Variants in SSRP1 observed in about 807,000 individuals in gnomAD.
The protein encoded by SSRP1 is structure specific recognition protein 1.
In SSRP1, 21 loss-of-function variants were observed where a neutral mutation model predicts 84.4. The ratio of observed to expected loss-of-function variants is 0.25; its 90% CI spans 0.18 to 0.36. The LOEUF is 0.36. SSRP1 is among the 10% of genes least tolerant of loss of function. The pLI is 1.00. For synonymous variants in SSRP1, 319 were observed against 318.3 expected (o/e 1.00, Z -0.02); for missense variants, 519 against 900.8 (o/e 0.58, Z 5.43).
chr11:57,333,401 T>G, intron 4 of SSRP1, 34 bp downstream of exon 4: 2 of 1,565,306 alleles, frequency 1.3e-6, no homozygotes, highest in Non-Finnish European at 1.8e-6. Context: ...CACCCTATCT[T>G]CCTCCCCAAA....
At position 57,327,684 on chromosome 11, in the gene SSRP1, G is replaced by C. The variant is rs373412839; in HGVS notation, c.1782+28C>G. The C allele has an allele frequency of 1.7e-5, 28 of 1,611,326 alleles. No individual in the cohort carries two copies. The African/African-American group carries it at 3.2e-4, about 18-fold the overall frequency. On this transcript the variant is annotated intron_variant, in intron 14 of 16. Transcript: ENST00000278412. ...AGCACCTCTCGCCAGCCCATGAGAG[G>C]CATCACCCCTCCTCTGCTGCTACTC...
intron 15 of SSRP1, 101 bp downstream of exon 15, chr11:57,327,325 A>C: frequency 2.4e-6 from 3 of 1,226,614 alleles, no homozygotes; most frequent in South Asian, 2.5e-5. Context: ...AGTCAGAAGC[A>C]TCTCTGCTGT....
chr11:57,330,241 C>A lies in SSRP1; in HGVS notation c.1435+50G>T. 1.2e-6 allele frequency: 2 copies of A among 1,614,146 alleles called. No individual in the cohort carries two copies. The highest frequency in any genetic ancestry group is 1.7e-6 in the Non-Finnish European group (2 of 1,179,980). On this transcript the variant is annotated intron_variant, in intron 11 of 16. Transcript: ENST00000278412. The surrounding 1 kb of genome is among the most constrained non-coding windows in gnomAD (Gnocchi z 4.0). The stretch of plus-strand genomic sequence containing the variant: ...CCAAGGGTGAGTCCAGCCCGGGCCA[C>A]AGCGAGGAGCGTCTGACCATCCTCG...
rs749305546 is a variant in SSRP1 at position 57,334,673 on chromosome 11, C to T, written c.55-25G>A. ...TCTGTAAGAAAAGCAGGCCCAGATGCATGGAGACAGTACACAGCATGTCCT... is the reference window on the plus strand; with the variant it reads ...TCTGTAAGAAAAGCAGGCCCAGATGTATGGAGACAGTACACAGCATGTCCT... On this transcript the variant is annotated intron_variant, in intron 2 of 16. Coordinates refer to ENST00000278412, the MANE Select transcript of SSRP1 (RefSeq NM_003146.3). 17 of 1,612,258 alleles carry T rather than the reference C, an allele frequency of 1.1e-5. No individual in the cohort carries two copies. In the South Asian group the frequency reaches 1.8e-4, roughly 17 times the overall value.
intron 12 of SSRP1, chr11:57,329,734 CA>C (rs1440826315): frequency 2.8e-6 from 1 of 357,926 alleles, no homozygotes; most frequent in Admixed American, 4.4e-5. Flanking sequence ...GGTACTACTG[CA>C]TTTCTACTGA....
Position 57,330,805 on chromosome 11 carries a change from C to CGAA in SSRP1, c.1296+49_1296+50insTTC. ...CCGGAAAAAATCTCCACCCCTTTCT[C>CGAA]CCCTATAGAAAGACCAGGAGAGGGT... On this transcript the variant is annotated intron_variant, in intron 10 of 16. Coordinates refer to ENST00000278412, the MANE Select transcript of SSRP1 (RefSeq NM_003146.3). The surrounding 1 kb of genome is among the most constrained non-coding windows in gnomAD (Gnocchi z 4.0). The CGAA allele has an allele frequency of 6.2e-7, 1 of 1,613,830 alleles. No homozygotes were observed. Among genetic ancestry groups the CGAA allele is most frequent in the South Asian group, 1.1e-5 (1 of 91,056 alleles).
At position 57,327,887 on chromosome 11, in the gene SSRP1, A is replaced by G. The variant is rs143032462; in HGVS notation, c.1612-5T>C. 2.1e-4 allele frequency: 333 copies of G among 1,612,038 alleles called. No individual in the cohort carries two copies. The African/African-American group carries it at 3.4e-3, about 17-fold the overall frequency. ...GGGGTCTTTGCCCTTCTTCACCTAC[A>G]TAAGAACCCAAATGCCTTCAGCTAT... is the stretch of plus-strand genomic sequence containing the variant. On this transcript the variant is annotated splice_polypyrimidine_tract_variant and splice_region_variant and intron_variant, in intron 13 of 16. Transcript: ENST00000278412.
In SSRP1 at chr11:57,330,949, G is replaced by C; in HGVS notation, c.1224-22C>G. The C allele has an allele frequency of 6.2e-7, 1 of 1,613,706 alleles. No homozygotes were observed. The highest frequency in any genetic ancestry group is 8.5e-7 in the Non-Finnish European group (1 of 1,179,622). ...CTCCCTGTGAGGGGACATGCACCAT[G>C]TTACCAGAGAGGTAGTGCCAACACA... On this transcript the variant is annotated intron_variant, in intron 9 of 16. Coordinates refer to ENST00000278412, the MANE Select transcript of SSRP1 (RefSeq NM_003146.3). The surrounding 1 kb of genome is among the most constrained non-coding windows in gnomAD (Gnocchi z 4.0).
rs541213567 is a variant in SSRP1 at position 57,333,528 on chromosome 11, G to C, written c.253C>G (p.Leu85Val). ...DGFRESEFEK[L>V]SDFFKTHYRL... is the part of the protein sequence containing the mutation. ...TAGTGAGTTTTGAAGAAATCAGAGA[G>C]TTTCTCAAACTCCTGTGGGTGGAGG... Residue 85 changes from leucine to valine, a missense_variant, in exon 4 of 17, where the codon CTC becomes GTC. Leu to Val is a conservative substitution (Grantham distance 32). Transcript: ENST00000278412. The C allele has an allele frequency of 1.2e-6, 2 of 1,613,682 alleles. No homozygotes were observed. The highest frequency in any genetic ancestry group is 2.2e-5 in the South Asian group (2 of 91,070).
chr11:57,326,234 G>T lies in SSRP1; in HGVS notation c.*173C>A. On this transcript the variant is annotated 3_prime_UTR_variant, in exon 17 of 17. Transcript: ENST00000278412. ...TATAAACAGCCATCCTTGGGAAGCA[G>T]CAGAGTTAAGACGTCTCCCCACTGC... 1.6e-6 allele frequency: 1 copy of T among 634,714 alleles called. No individual in the cohort carries two copies. The highest frequency in any genetic ancestry group is 2.7e-6 in the Non-Finnish European group (1 of 363,792). The allele number at this position is 634,714 out of a possible 1,614,324, so 39.3% of individuals were successfully genotyped here. A position where few individuals can be genotyped will look rare whatever the true frequency, so the allele number is the denominator to read the frequency against.
chr11:57,332,036 A>C lies in SSRP1; in HGVS notation c.1001+116T>G, dbSNP rs1365202661. 5.8e-6 allele frequency: 9 copies of C among 1,558,802 alleles called. No individual in the cohort carries two copies. The South Asian group carries it at 8.3e-5, about 14-fold the overall frequency. On this transcript the variant is annotated intron_variant, in intron 8 of 16. Transcript: ENST00000278412. The surrounding 1 kb of genome is among the most constrained non-coding windows in gnomAD (Gnocchi z 5.5). The stretch of plus-strand genomic sequence containing the variant: ...CAGAGGCGCTGGCACCTATTGTGAC[A>C]CAAGGTCCCATCCAGGCCTCTAGGA...
rs775856911 is a variant in SSRP1, at chr11:57,330,469, C to T, written c.1297-40G>A. 5 of 1,609,572 alleles carry T rather than the reference C, an allele frequency of 3.1e-6. No individual in the cohort carries two copies. The highest frequency in any genetic ancestry group is 2.2e-5 in the East Asian group (1 of 44,862). ...GTTCACGGTGGGGCCAACTCACCCT[C>T]GAGCCAGAATCCCTGCACACTCAAA... On this transcript the variant is annotated intron_variant, in intron 10 of 16. Transcript: ENST00000278412. This position sits in a 1 kb window ranked among gnomAD's most constrained non-coding sequence, Gnocchi z 4.0.
Position 57,331,777 on chromosome 11 carries a change from C to T in SSRP1, c.1114G>A (p.Asp372Asn). 6.2e-7 allele frequency: 1 copy of T among 1,614,192 alleles called. No individual in the cohort carries two copies. Among genetic ancestry groups the T allele is most frequent in the Non-Finnish European group, 8.5e-7 (1 of 1,180,034 alleles). ...GCAAAGTTGACAAAGGAGATCTCAT[C>T]GAAGCGGATGTGCACAGGTGGCTTG... ...VHKPPVHIRF[D>N]EISFVNFARG... The change falls in exon 9 of 17, where the codon GAT (aspartate) becomes AAT (asparagine). Residue 372 changes from aspartate to asparagine, a missense_variant. Around this residue, in one of 7 missense-constraint regions of SSRP1, gnomAD observed 159 missense variants for 359.0 expected, o/e 0.44. Coordinates refer to ENST00000278412, the MANE Select transcript of SSRP1 (RefSeq NM_003146.3).
chr11:57,327,186 T>C (rs1297307566), intron 15 of SSRP1: 3 of 648,692 alleles, frequency 4.6e-6, no homozygotes, highest in Non-Finnish European at 7.8e-6. Context: ...ATTTTTTTCG[T>C]TCCCCCATAC....
At chr11:57,331,551 G>T in intron 9 of SSRP1, 117 bp downstream of exon 9, 1 of 744,976 alleles carries the variant, frequency 1.3e-6, no homozygotes. Context: ...AAATCCTGAT[G>T]TAGCAAAAGA....
In SSRP1 at chr11:57,332,826, C is replaced by G; in HGVS notation, c.567G>C (p.Ala189=). ...CATCTCCCGTGGCCTGGATTACATC[C>G]GCCTTTGACAACACATTCTGGGCAA... ...EAFAQNVLSK[A]DVIQATGDAI... is the part of the protein sequence containing the mutation. The change falls in exon 6 of 17, where the codon GCG becomes GCC. Residue 189 remains alanine (A), a synonymous_variant. Transcript: ENST00000278412. The surrounding 1 kb of genome is among the most constrained non-coding windows in gnomAD (Gnocchi z 5.5). 1 of 1,613,328 alleles carries G rather than the reference C, an allele frequency of 6.2e-7. No homozygotes were observed. The highest frequency in any genetic ancestry group is 8.5e-7 in the Non-Finnish European group (1 of 1,179,424).
chr11:57,330,701 C>CAGGAGGTCA lies in SSRP1; in HGVS notation c.1296+153_1296+154insTGACCTCCT. On this transcript the variant is annotated intron_variant, in intron 10 of 16. Transcript: ENST00000278412. The surrounding 1 kb of genome is among the most constrained non-coding windows in gnomAD (Gnocchi z 4.0). ...TGGTCTAAGGTCATGCAGAGGAAAC[C>CAGGAGGTCA]TGCACCAGGAGGGGGAAAGGGTCAC... The CAGGAGGTCA allele has an allele frequency of 6.7e-7, 1 of 1,484,892 alleles. No homozygotes were observed. Among genetic ancestry groups the CAGGAGGTCA allele is most frequent in the Non-Finnish European group, 8.9e-7 (1 of 1,120,688 alleles). The allele number at this position is 1,484,892 out of a possible 1,614,324, so 92.0% of individuals were successfully genotyped here.
In SSRP1 at chr11:57,330,711, AG is replaced by A. The variant is rs762130670; in HGVS notation, c.1296+143del. On this transcript the variant is annotated intron_variant, in intron 10 of 16. Transcript: ENST00000278412. The surrounding 1 kb of genome is among the most constrained non-coding windows in gnomAD (Gnocchi z 4.0). ...TCATGCAGAGGAAACCTGCACCAGG[AG>A]GGGGAAAGGGTCACACGCACCTCTT... is the stretch of plus-strand genomic sequence containing the variant. 38 of 1,493,528 alleles carry A rather than the reference AG, an allele frequency of 2.5e-5. No homozygotes were observed. The highest frequency in any genetic ancestry group is 1.9e-4 in the Middle Eastern group (1 of 5,258). 92.5% of individuals were successfully genotyped at this position (1,493,528 alleles called of 1,614,324 possible). A position where few individuals can be genotyped will look rare whatever the true frequency, so the allele number is the denominator to read the frequency against.
At position 57,330,774 on chromosome 11, in the gene SSRP1, A is replaced by C. The variant is rs1272339457; in HGVS notation, c.1296+81T>G. On this transcript the variant is annotated intron_variant, in intron 10 of 16. Transcript: ENST00000278412. The surrounding 1 kb of genome is among the most constrained non-coding windows in gnomAD (Gnocchi z 4.0). ...GGTAAGAAGAGAAGAAAGAGTGAAA[A>C]AGAAGCCGGAAAAAATCTCCACCCC... 1.2e-6 allele frequency: 2 copies of C among 1,606,900 alleles called. No individual in the cohort carries two copies. The highest frequency in any genetic ancestry group is 1.7e-6 in the Non-Finnish European group (2 of 1,176,078).
Sources: allele counts gnomAD v4.1 joint callset, GRCh38; gene constraint gnomAD v4.1.1; regional missense constraint gnomAD v4.1.1; non-coding constraint Gnocchi (gnomAD v3.1); transcripts MANE v1.5; gene names NCBI Gene and HGNC (gene_info 2026-07-23, HGNC 2026-07-21).